Variants in LAMA2 observed in about 807,000 individuals in gnomAD.
LAMA2 encodes the protein laminin subunit alpha-2.
Under a neutral mutation model 364.8 loss-of-function variants are expected in LAMA2, and 269 were observed. The ratio of observed to expected loss-of-function variants is 0.74; its 90% CI spans 0.67 to 0.82. LAMA2 has a LOEUF of 0.82. LAMA2 is among the 40% of genes least tolerant of loss of function. LAMA2 has a pLI of 0.00. For missense variants in LAMA2, 3,807 were observed against 3,873.2 expected (o/e 0.98, Z 0.45); for synonymous variants, 1,379 against 1,370.6 (o/e 1.01, Z -0.14).
At chr6:128,910,802 C>T (rs1777868909) in intron 1 of LAMA2, among the ~76,000 whole-genome samples, 1 of 150,170 alleles carries the variant, frequency 6.7e-6, no homozygotes, top group Admixed American at 6.6e-5. Context: ...TGGTGATGTA[C>T]AGATGGGTTC....
intron 40 of LAMA2, among the ~76,000 whole-genome samples, chr6:129,410,665 T>C (rs969014821): frequency 2.6e-5 from 4 of 152,044 alleles, no homozygotes; most frequent in Non-Finnish European, 5.9e-5. Flanking sequence ...GATGAATGGA[T>C]GGATAGGTGG....
At chr6:129,495,888 T>C (rs945742330) in intron 58 of LAMA2, among the ~76,000 whole-genome samples, 1 of 152,068 alleles carries the variant, frequency 6.6e-6, no homozygotes, top group Non-Finnish European at 1.5e-5. Flanking sequence ...CTCTCAGCAG[T>C]GTATGTTTTA....
chr6:129,498,813 T>A (rs972796484), intron 58 of LAMA2, among the ~76,000 whole-genome samples: 2 of 152,194 alleles, frequency 1.3e-5, no homozygotes, highest in African/African-American at 4.8e-5. Context: ...AAGAGATGCT[T>A]ATCAACGAAT....
chr6:129,192,064 A>G (rs1220510019), intron 11 of LAMA2, among the ~76,000 whole-genome samples: 2 of 152,352 alleles, frequency 1.3e-5, no homozygotes, highest in African/African-American at 4.8e-5. Context: ...TATCTGAAGG[A>G]ATACATACAG....
intron 1 of LAMA2, among the ~76,000 whole-genome samples, chr6:128,926,770 AT>A (rs1779127221): frequency 6.6e-6 from 1 of 152,184 alleles, no homozygotes; most frequent in Non-Finnish European, 1.5e-5. Context: ...CACTTTTCCA[AT>A]TAGGAATATC....
At chr6:129,421,679 G>A (rs1379966725) in intron 40 of LAMA2, among the ~76,000 whole-genome samples, 2 of 152,012 alleles carry the variant, frequency 1.3e-5, no homozygotes, top group Admixed American at 6.6e-5. Flanking sequence ...CCCTTATCAT[G>A]TGAAAAGCCT....
intron 1 of LAMA2, among the ~76,000 whole-genome samples, chr6:128,903,139 T>C (rs1013468387): frequency 1.3e-5 from 2 of 152,074 alleles, no homozygotes; most frequent in Non-Finnish European, 2.9e-5. Flanking sequence ...GTATGTTTAT[T>C]TGAGGGATAT....
intron 3 of LAMA2, among the ~76,000 whole-genome samples, chr6:129,071,465 C>T (rs752424736): frequency 2.2e-4 from 33 of 151,958 alleles, no homozygotes; most frequent in Non-Finnish European, 4.0e-4. Flanking sequence ...TAGTTTACTA[C>T]ATTTTCTTAG....
intron 1 of LAMA2, among the ~76,000 whole-genome samples, chr6:128,985,404 T>C (rs1783162637): frequency 6.6e-6 from 1 of 152,110 alleles, no homozygotes; most frequent in South Asian, 2.1e-4. Flanking sequence ...AAAATAGAGA[T>C]GAAAACATTG....
rs995111598 is a variant in LAMA2, at chr6:129,323,789, C to T, written c.4176+3134C>T. 3.3e-5 allele frequency among the ~76,000 whole-genome samples: 5 copies of T among 152,242 alleles called. No homozygotes were observed. In the East Asian group the frequency reaches 7.7e-4, roughly 23 times the overall value. On this transcript the variant is annotated intron_variant, in intron 28 of 64. Transcript: ENST00000421865. ...GCGTGTGCAGCTCTCTGCAGTAATA[C>T]GGAAATCAGAAATTTGTCAATGATC...
intron 62 of LAMA2, among the ~76,000 whole-genome samples, chr6:129,509,026 CTT>C (rs968650109): frequency 6.6e-6 from 1 of 152,146 alleles, no homozygotes; most frequent in African/African-American, 2.4e-5. Context: ...TATTGCCTGT[CTT>C]TTGGATAAAA....
In LAMA2 at chr6:129,482,666, AT is replaced by A. The variant is rs1784403022; in HGVS notation, c.7749+1228del. On this transcript the variant is annotated intron_variant, in intron 55 of 64. Transcript: ENST00000421865. ...CAAATCTTATTTATTTTTCTAAAAA[AT>A]ACAAAGCCCACACAAAATATTCACA... Among the ~76,000 whole-genome samples, 3 of 152,242 alleles carry A rather than the reference AT, an allele frequency of 2.0e-5. No individual in the cohort carries two copies. The South Asian group carries it at 6.2e-4, about 31-fold the overall frequency.
chr6:129,086,487 C>T (rs1367210996), intron 3 of LAMA2, among the ~76,000 whole-genome samples: 1 of 152,076 alleles, frequency 6.6e-6, no homozygotes, highest in Admixed American at 6.6e-5. Context: ...AAGAAATGCT[C>T]AGTTGTTAAT....
intron 4 of LAMA2, among the ~76,000 whole-genome samples, chr6:129,137,186 C>G (rs952294615): frequency 2.0e-5 from 3 of 151,910 alleles, no homozygotes; most frequent in African/African-American, 7.3e-5. Flanking sequence ...CCTTTCAAGC[C>G]ACTCAGTAGT....
chr6:128,904,599 C>T (rs932073003), intron 1 of LAMA2, among the ~76,000 whole-genome samples: 12 of 151,750 alleles, frequency 7.9e-5, no homozygotes, highest in East Asian at 1.9e-4. Flanking sequence ...GGATTACAGG[C>T]GAGCGCCACC....
intron 1 of LAMA2, among the ~76,000 whole-genome samples, chr6:128,884,563 T>TA (rs1776041143): frequency 6.6e-6 from 1 of 152,202 alleles, no homozygotes; most frequent in Admixed American, 6.5e-5. Flanking sequence ...AAGCTCTTTC[T>TA]ATAATAATAA....
chr6:129,499,084 C>T (rs1418681198), intron 58 of LAMA2, among the ~76,000 whole-genome samples: 1 of 152,078 alleles, frequency 6.6e-6, no homozygotes, highest in Non-Finnish European at 1.5e-5. Flanking sequence ...GACTCCCCAC[C>T]CAAGTCCTGT....
intron 22 of LAMA2, among the ~76,000 whole-genome samples, chr6:129,302,601 A>G (rs1368891216): frequency 6.6e-6 from 1 of 152,092 alleles, no homozygotes; most frequent in African/African-American, 2.4e-5. Context: ...TTAGAGTTTT[A>G]GCTCTTAAAT....
intron 41 of LAMA2, among the ~76,000 whole-genome samples, chr6:129,428,698 G>C (rs928358619): frequency 2.6e-5 from 4 of 152,096 alleles, no homozygotes; most frequent in African/African-American, 4.8e-5. Context: ...TCCCGCCTCG[G>C]CCTCCCAAAG....
Sources: gnomAD v4.1 joint callset for allele counts (sites outside exome capture counted in the v4.1 genomes callset) on GRCh38, gnomAD v4.1.1 for gene constraint, MANE v1.5 for transcripts, NCBI Gene and HGNC (gene_info 2026-07-23, HGNC 2026-07-21) for gene names.